Variants in TAF4 observed in about 807,000 individuals in gnomAD.
The protein encoded by TAF4 is TATA-box binding protein associated factor 4.
TAF4 carries 9 observed loss-of-function variants against 90.3 expected under a neutral mutation model. That is an observed-to-expected ratio of 0.10 (90% confidence interval 0.06 to 0.17). The LOEUF (loss-of-function observed/expected upper bound fraction) is 0.17. TAF4 is among the 10% of genes least tolerant of loss of function. The pLI is 1.00. For missense variants in TAF4, 1,351 were observed against 1,370.7 expected (o/e 0.99, Z 0.23); for synonymous variants, 818 against 638.9 (o/e 1.28, Z -4.23).
At chr20:62,002,262 G>C (rs2055710549) in intron 9 of TAF4, among the ~76,000 whole-genome samples, 1 of 152,184 alleles carries the variant, frequency 6.6e-6, no homozygotes, top group African/African-American at 2.4e-5. Context: ...CTCTGGCTCA[G>C]GCCACAGCCA....
chr20:61,992,542 A>G (rs1388722930), intron 14 of TAF4, among the ~76,000 whole-genome samples: 5 of 151,566 alleles, frequency 3.3e-5, no homozygotes, highest in Non-Finnish European at 7.4e-5. Context: ...TGAACATGGT[A>G]ACTCCTACAC....
intron 14 of TAF4, among the ~76,000 whole-genome samples, chr20:61,982,202 C>A (rs368543966): frequency 0.053 from 43 of 806 alleles, no homozygotes; most frequent in African/African-American, 0.079. Context: ...ACACCCCACC[C>A]GAGAGGAGAC....
chr20:62,018,338 G>A (rs1176418185), intron 1 of TAF4, among the ~76,000 whole-genome samples: 1 of 152,244 alleles, frequency 6.6e-6, no homozygotes, highest in Admixed American at 6.5e-5. Context: ...ATGTTTCCGA[G>A]AGGTTCTCAC....
rs746222861 is a variant in TAF4 at position 62,000,534 on chromosome 20, C to T, written c.2656+18G>A. 3.7e-6 allele frequency: 6 copies of T among 1,606,828 alleles called. No individual in the cohort carries two copies. Among genetic ancestry groups the T allele is most frequent in the Admixed American group, 1.7e-5 (1 of 59,604 alleles). ...CGCAGCTGTTTAATAAGAACTCAGT[C>T]ATTAAACACCAACGTACCTATTTCT... On this transcript the variant is annotated intron_variant, in intron 10 of 14. Coordinates refer to ENST00000252996, the MANE Select transcript of TAF4 (RefSeq NM_003185.4).
intron 2 of TAF4, 59 bp downstream of exon 2, chr20:62,014,488 C>T (rs576034324): frequency 1.7e-5 from 26 of 1,515,018 alleles, no homozygotes; most frequent in Admixed American, 4.6e-5. Flanking sequence ...CCCCAGCATG[C>T]GTGGGGAGAG....
intron 11 of TAF4, among the ~76,000 whole-genome samples, 200 bp from the exon 12 acceptor site, chr20:61,999,308 G>A (rs2055683743): frequency 6.6e-6 from 1 of 152,172 alleles, no homozygotes. Flanking sequence ...ACGAAGTCTC[G>A]TGTTGGCTGT....
intron 1 of TAF4, among the ~76,000 whole-genome samples, chr20:62,044,978 T>C (rs892035593): frequency 1.3e-5 from 2 of 152,078 alleles, no homozygotes; most frequent in South Asian, 2.1e-4. Flanking sequence ...GACATGGCAA[T>C]GGACAAGCCA....
At chr20:62,057,053 G>A (rs2056068815) in intron 1 of TAF4, among the ~76,000 whole-genome samples, 1 of 152,060 alleles carries the variant, frequency 6.6e-6, no homozygotes, top group Non-Finnish European at 1.5e-5. Flanking sequence ...CTCCTCCGCA[G>A]AAGACACAGA....
At chr20:62,055,918 C>T (rs769068997) in intron 1 of TAF4, among the ~76,000 whole-genome samples, 3 of 152,230 alleles carry the variant, frequency 2.0e-5, no homozygotes, top group Non-Finnish European at 4.4e-5. Context: ...AGCCTTCCCC[C>T]GTGGCCCAGT....
chr20:61,976,006 C>T lies in TAF4; in HGVS notation c.*162G>A, dbSNP rs989654614. On this transcript the variant is annotated 3_prime_UTR_variant, in exon 15 of 15. Transcript: ENST00000252996. ...ACAGGCCTTTGTGTTCTCTCTGTTA[C>T]AGAAACGTGTTTTCTTTCACACTGA... 2.8e-6 allele frequency: 2 copies of T among 723,030 alleles called. No homozygotes were observed. The highest frequency in any genetic ancestry group is 2.8e-5 in the Admixed American group (1 of 35,324). 44.8% of individuals were successfully genotyped at this position (723,030 alleles called of 1,614,324 possible).
chr20:62,054,895 T>A (rs1307159159), intron 1 of TAF4, among the ~76,000 whole-genome samples: 1 of 151,686 alleles, frequency 6.6e-6, no homozygotes, highest in Non-Finnish European at 1.5e-5. Context: ...GCCACCGACA[T>A]TCCCTCTCAC....
intron 1 of TAF4, among the ~76,000 whole-genome samples, chr20:62,034,345 C>T (rs2055920683): frequency 6.6e-6 from 1 of 152,158 alleles, no homozygotes; most frequent in East Asian, 1.9e-4. Flanking sequence ...TATTTTTAGA[C>T]AAGGGTCTCA....
chr20:62,024,978 ATAAAT>A (rs2055866783), intron 1 of TAF4, among the ~76,000 whole-genome samples: 1 of 152,234 alleles, frequency 6.6e-6, no homozygotes, highest in Admixed American at 6.5e-5. Context: ...TTAGGGAGAC[ATAAAT>A]TAAATCCTTA....
intron 1 of TAF4, among the ~76,000 whole-genome samples, chr20:62,042,906 G>A (rs1267460472): frequency 6.6e-6 from 1 of 152,216 alleles, no homozygotes; most frequent in East Asian, 1.9e-4. Context: ...ACTGCAGGGA[G>A]ACGGGACTTG....
Position 62,006,457 on chromosome 20 carries a change from C to A in TAF4, c.2223+53G>T, listed in dbSNP as rs2055745568. On this transcript the variant is annotated intron_variant, in intron 7 of 14. Transcript: ENST00000252996. This position sits in a 1 kb window ranked among gnomAD's most constrained non-coding sequence, Gnocchi z 7.0. The stretch of plus-strand genomic sequence containing the variant: ...GTGGCCAATTTATCTAAGAAGCGGG[C>A]GGGAGCAGAGGCACGGTGGGCTGTG... 8 of 1,361,224 alleles carry A rather than the reference C, an allele frequency of 5.9e-6. No homozygotes were observed. Among genetic ancestry groups the A allele is most frequent in the African/African-American group, 1.5e-5 (1 of 66,950 alleles). 84.3% of individuals were successfully genotyped at this position (1,361,224 alleles called of 1,614,324 possible).
At chr20:62,000,383 G>A (rs1415861754) in intron 10 of TAF4, 129 bp from the exon 11 acceptor site, 4 of 1,409,970 alleles carry the variant, frequency 2.8e-6, no homozygotes, top group Non-Finnish European at 9.6e-7. Context: ...CTGGTGGGGT[G>A]GAAGGCAGTG....
At chr20:61,978,648 A>AGGGCGAGACCAACCAAGGCCGG (rs1389848882) in intron 14 of TAF4, among the ~76,000 whole-genome samples, 22 of 76,584 alleles carry the variant, frequency 2.9e-4, no homozygotes, top group Middle Eastern at 0.01. Flanking sequence ...ACCAAGGCCG[A>AGGGCGAGACCAACCAAGGCCGG]GGGCGAGACC....
chr20:62,043,149 T>C (rs2055973590), intron 1 of TAF4, among the ~76,000 whole-genome samples: 2 of 152,048 alleles, frequency 1.3e-5, no homozygotes, highest in South Asian at 2.1e-4. Context: ...CGGTGAAACC[T>C]ACAAAAAAAT....
Position 61,974,948 on chromosome 20 carries a change from A to T in TAF4, c.*1220T>A. The T allele has an allele frequency of 6.6e-6, 1 of 152,452 alleles. No individual in the cohort carries two copies. The highest frequency in any genetic ancestry group is 1.5e-5 in the Non-Finnish European group (1 of 68,032). 9.4% of individuals were successfully genotyped at this position (152,452 alleles called of 1,614,324 possible). ...TACATGAAAAAATGGAAAGACAGGG[A>T]TTTCCTAAAAGACAAAATAAAAGGT... On this transcript the variant is annotated 3_prime_UTR_variant, in exon 15 of 15. Transcript: ENST00000252996. This position sits in a 1 kb window ranked among gnomAD's most constrained non-coding sequence, Gnocchi z 4.1.
Sources: gnomAD v4.1 joint callset for allele counts (sites outside exome capture counted in the v4.1 genomes callset) on GRCh38, gnomAD v4.1.1 for gene constraint, Gnocchi (gnomAD v3.1) non-coding constraint, MANE v1.5 for transcripts, NCBI Gene and HGNC (gene_info 2026-07-23, HGNC 2026-07-21) for gene names.